The following SPOCK2 variants were observed in gnomAD, a reference collection of about 807,000 sequenced individuals.
SPOCK2 encodes testican-2.
In SPOCK2, 39 loss-of-function variants were observed where a neutral mutation model predicts 60.1. That is an observed-to-expected ratio of 0.65 (90% CI 0.50 to 0.85). The LOEUF (loss-of-function observed/expected upper bound fraction) is 0.85. Ranked by LOEUF, SPOCK2 falls within the 40% of genes least tolerant of loss-of-function variation. SPOCK2 has a pLI of 0.00. For missense variants in SPOCK2, 523 were observed against 567.4 expected (o/e 0.92, Z 0.80); for synonymous variants, 217 against 231.5 (o/e 0.94, Z 0.57).
intron 1 of SPOCK2, 30 bp downstream of exon 1, chr10:72,088,110 G>GTC (rs758701935): frequency 1.2e-6 from 2 of 1,607,960 alleles, no homozygotes; most frequent in East Asian, 2.2e-5. Flanking sequence ...GCAACCCCGG[G>GTC]TCTCTGCCTT....
chr10:72,086,764 CTG>C, intron 1 of SPOCK2: 1 of 1,464,678 alleles, frequency 6.8e-7, no homozygotes, highest in South Asian at 1.3e-5. Context: ...CTGCTGTCCT[CTG>C]TGAATTACAA....
In SPOCK2 at chr10:72,072,884, G is replaced by C; in HGVS notation, c.198+18C>G. ...CTCTGCAGAGACCACACAGAGTGGGGTCCTGGGCAGTACTCACCTCCACTT... is the reference window on the plus strand; with the variant it reads ...CTCTGCAGAGACCACACAGAGTGGGCTCCTGGGCAGTACTCACCTCCACTT... On this transcript the variant is annotated intron_variant, in intron 2 of 10. Coordinates refer to ENST00000373109, the MANE Select transcript of SPOCK2 (RefSeq NM_001244950.2). 6.4e-7 allele frequency: 1 copy of C among 1,553,768 alleles called. No individual in the cohort carries two copies. The highest frequency in any genetic ancestry group is 8.7e-7 in the Non-Finnish European group (1 of 1,148,214).
Position 72,062,585 on chromosome 10 carries a change from T to C in SPOCK2, c.*175A>G, listed in dbSNP as rs3088251. ...CATGCATGCACACATGCACTCACAC[T>C]GTCACCCGTCCCAGCCATCTGTGCC... On this transcript the variant is annotated 3_prime_UTR_variant, in exon 11 of 11. Coordinates refer to ENST00000373109, the MANE Select transcript of SPOCK2 (RefSeq NM_001244950.2). The surrounding 1 kb of genome is among the most constrained non-coding windows in gnomAD (Gnocchi z 4.3). 0.14 allele frequency: 179,677 copies of C among 1,249,456 alleles called. 22,589 individuals are homozygous for C. The highest frequency in any genetic ancestry group is 0.63 in the African/African-American group (41,725 of 66,726). 77.4% of individuals were successfully genotyped at this position (1,249,456 alleles called of 1,614,324 possible). A position where few individuals can be genotyped will look rare whatever the true frequency, so the allele number is the denominator to read the frequency against.
At chr10:72,065,310 A>G (rs1265050923) in intron 8 of SPOCK2, among the ~76,000 whole-genome samples, 1 of 152,192 alleles carries the variant, frequency 6.6e-6, no homozygotes, top group African/African-American at 2.4e-5. Context: ...TGCTGGGATT[A>G]CAGGCGTGAG....
chr10:72,072,117 G>C, intron 4 of SPOCK2, 27 bp downstream of exon 4: 2 of 1,461,442 alleles, frequency 1.4e-6, no homozygotes, highest in Middle Eastern at 1.8e-4. Flanking sequence ...ACCCCCTCCA[G>C]GGCTCCCACC....
At chr10:72,072,935 G>C in intron 1 of SPOCK2, 25 bp from the exon 2 acceptor site, 1 of 1,554,294 alleles carries the variant, frequency 6.4e-7, no homozygotes, top group Non-Finnish European at 8.7e-7. Flanking sequence ...ACAGCAGCAG[G>C]CCATGGAAAA....
intron 8 of SPOCK2, among the ~76,000 whole-genome samples, chr10:72,065,862 G>A (rs1840560711): frequency 6.6e-6 from 1 of 152,204 alleles, no homozygotes; most frequent in Non-Finnish European, 1.5e-5. Context: ...CTCACAACAG[G>A]CTCCAAGATA....
intron 5 of SPOCK2, chr10:72,070,081 C>T (rs1840625813): frequency 2.0e-6 from 1 of 491,652 alleles, no homozygotes; most frequent in Non-Finnish European, 3.7e-6. Flanking sequence ...TCCCCACCTG[C>T]ACCTGTCCGA....
chr10:72,088,250 T>G lies in SPOCK2; in HGVS notation c.79A>C (p.Lys27Gln). The change falls in exon 1 of 11, where the codon AAG (lysine) becomes CAG (glutamine). Residue 27 changes from lysine (K) to glutamine (Q), a missense_variant. Physicochemically the swap from Lys to Gln is moderately conservative, Grantham distance 53. Transcript: ENST00000373109. Reference sequence around the variant, plus strand: ...GGGGTCTCGCCCTCCTTGAGCCCCTTGGCGTCGCCTTCGGCCAGGGCTGCC... The same window carrying G: ...GGGGTCTCGCCCTCCTTGAGCCCCTGGGCGTCGCCTTCGGCCAGGGCTGCC... ...AAAALAEGDA[K>Q]GLKEGETPGN... 1 of 1,610,466 alleles carries G rather than the reference T, an allele frequency of 6.2e-7. No homozygotes were observed. Among genetic ancestry groups the G allele is most frequent in the South Asian group, 1.1e-5 (1 of 90,806 alleles).
Position 72,087,109 on chromosome 10 carries a change from C to T in SPOCK2, c.189+1031G>A. On this transcript the variant is annotated intron_variant, in intron 1 of 10. Coordinates refer to ENST00000373109, the MANE Select transcript of SPOCK2 (RefSeq NM_001244950.2). The surrounding 1 kb of genome is among the most constrained non-coding windows in gnomAD (Gnocchi z 4.7). ...TCGCCTCTGGCGCATCCGGGCCCAT[C>T]CCCCACAGCACCCCCAACGATCTCG... is the stretch of plus-strand genomic sequence containing the variant. 3 of 1,119,444 alleles carry T rather than the reference C, an allele frequency of 2.7e-6. No homozygotes were observed. In the South Asian group the frequency reaches 4.8e-5, roughly 18 times the overall value. 69.3% of individuals were successfully genotyped at this position (1,119,444 alleles called of 1,614,324 possible). A position where few individuals can be genotyped will look rare whatever the true frequency, so the allele number is the denominator to read the frequency against.
chr10:72,075,907 G>A (rs1439230243), intron 1 of SPOCK2, among the ~76,000 whole-genome samples: 1 of 152,198 alleles, frequency 6.6e-6, no homozygotes, highest in African/African-American at 2.4e-5. Context: ...TGCACCTTGG[G>A]CAAGCACCCG....
In SPOCK2 at chr10:72,086,629, C is replaced by G. The variant is rs553869602; in HGVS notation, c.189+1511G>C. ...ATCTGCGCTGGGCCTGCAGGTGCTT[C>G]GGGAAGGCCTCGCGGGGCTCCAGGC... is the stretch of plus-strand genomic sequence containing the variant. On this transcript the variant is annotated intron_variant, in intron 1 of 10. Transcript: ENST00000373109. The G allele has an allele frequency of 5.0e-6, 6 of 1,210,048 alleles. No homozygotes were observed. In the African/African-American group the frequency reaches 9.5e-5, roughly 19 times the overall value. 75.0% of individuals were successfully genotyped at this position (1,210,048 alleles called of 1,614,324 possible). A position where few individuals can be genotyped will look rare whatever the true frequency, so the allele number is the denominator to read the frequency against.
chr10:72,064,031 G>A (rs1320972385), intron 9 of SPOCK2, 147 bp downstream of exon 9: 2 of 989,216 alleles, frequency 2.0e-6, no homozygotes, highest in Non-Finnish European at 2.9e-6. Flanking sequence ...ACACAGGAAG[G>A]GGGCAACCCT....
intron 1 of SPOCK2, chr10:72,086,458 G>A (rs1402775742): frequency 9.5e-7 from 1 of 1,054,098 alleles, no homozygotes; most frequent in Admixed American, 5.0e-5. Flanking sequence ...GACCTTCACT[G>A]GTCCCATTTT....
intron 9 of SPOCK2, 121 bp downstream of exon 9, chr10:72,064,057 G>T: frequency 1.5e-6 from 2 of 1,304,406 alleles, no homozygotes; most frequent in Non-Finnish European, 2.1e-6. Flanking sequence ...GTCTTCCTAG[G>T]CCAGGGCCTC....
In SPOCK2 at chr10:72,076,160, C is replaced by T. The variant is rs553315054; in HGVS notation, c.190-3250G>A. The stretch of plus-strand genomic sequence containing the variant: ...GACCAGAAGGGATACGAGGAGAGTC[C>T]CCTAGGAGGTCTTGTGGGGAGGAAT... On this transcript the variant is annotated intron_variant, in intron 1 of 10. Transcript: ENST00000373109. Among the ~76,000 whole-genome samples the T allele has an allele frequency of 1.1e-4, 16 of 152,060 alleles. No homozygotes were observed. The South Asian group carries it at 3.3e-3, about 32-fold the overall frequency.
Position 72,088,223 on chromosome 10 carries a change from C to G in SPOCK2, c.106G>C (p.Gly36Arg), listed in dbSNP as rs1467761078. ...AKGLKEGETP[G>R]NFMEDEQWLS... ...CATTGCTCGTCCTCCATGAAATTGC[C>G]GGGGGTCTCGCCCTCCTTGAGCCCC... Residue 36 changes from glycine to arginine, a missense_variant, in exon 1 of 11, where the codon GGC becomes CGC. Gly to Arg is a moderately radical substitution (Grantham distance 125). Transcript: ENST00000373109. 2.5e-6 allele frequency: 4 copies of G among 1,612,456 alleles called. No individual in the cohort carries two copies. Among genetic ancestry groups the G allele is most frequent in the Non-Finnish European group, 3.4e-6 (4 of 1,179,662 alleles).
intron 1 of SPOCK2, chr10:72,086,746 C>T (rs932440686): frequency 1.2e-5 from 17 of 1,422,026 alleles, no homozygotes; most frequent in African/African-American, 8.6e-5. Flanking sequence ...CCTGGCTGCC[C>T]GTGGTTCCTG....
At chr10:72,080,625 G>T (rs990490641) in intron 1 of SPOCK2, among the ~76,000 whole-genome samples, 1 of 152,010 alleles carries the variant, frequency 6.6e-6, no homozygotes, top group South Asian at 2.1e-4. Context: ...GCTGGGAAGT[G>T]GGGGGCAGAG....
Sources: allele counts gnomAD v4.1 joint callset (sites outside exome capture counted in the v4.1 genomes callset), GRCh38; gene constraint gnomAD v4.1.1; non-coding constraint Gnocchi (gnomAD v3.1); transcripts MANE v1.5; gene names NCBI Gene and HGNC (gene_info 2026-07-23, HGNC 2026-07-21).